The following CACNG3 variants were observed in gnomAD, a reference collection of about 807,000 sequenced individuals.
The protein encoded by CACNG3 is voltage-dependent calcium channel gamma-3 subunit.
A neutral mutation model predicts 28.5 loss-of-function variants in CACNG3; 3 were observed. The observed-to-expected ratio is 0.11, with a 90% CI of 0.05 to 0.27. CACNG3 has a LOEUF of 0.27. Among genes scored for constraint, CACNG3 ranks in the 10% least tolerant of loss-of-function variants. The probability of loss-of-function intolerance (pLI) is 1.00; values close to 1 mark genes in which losing one functional copy is unlikely to be tolerated. For missense variants in CACNG3, 236 were observed against 414.4 expected (o/e 0.57, Z 3.74); for synonymous variants, 174 against 162.2 (o/e 1.07, Z -0.55).
chr16:24,316,606 C>T (rs886492092), intron 1 of CACNG3, among the ~76,000 whole-genome samples: 1 of 152,178 alleles, frequency 6.6e-6, no homozygotes. Context: ...GTGCTCTGGG[C>T]ACCTTCCCAG....
At chr16:24,342,748 C>T (rs545651280) in intron 1 of CACNG3, among the ~76,000 whole-genome samples, 5 of 152,050 alleles carry the variant, frequency 3.3e-5, no homozygotes, top group African/African-American at 7.2e-5. Flanking sequence ...TATTTTCCGA[C>T]GCTGAAATCT....
intron 1 of CACNG3, among the ~76,000 whole-genome samples, chr16:24,265,469 G>A (rs1044955964): frequency 2.7e-5 from 4 of 146,208 alleles, no homozygotes; most frequent in Non-Finnish European, 6.0e-5. Flanking sequence ...AAGGAAGGAA[G>A]GAGAGAGAGA....
At chr16:24,331,419 C>T (rs1452768371) in intron 1 of CACNG3, among the ~76,000 whole-genome samples, 3 of 152,148 alleles carry the variant, frequency 2.0e-5, no homozygotes, top group Non-Finnish European at 4.4e-5. Context: ...TACCCTCTCT[C>T]GAAGAGGCAT....
rs549410908 is a variant in CACNG3, at chr16:24,267,388, A to G, written c.211+10423A>G. 3.3e-5 allele frequency among the ~76,000 whole-genome samples: 5 copies of G among 152,186 alleles called. No individual in the cohort carries two copies. In the South Asian group the frequency reaches 1.0e-3, roughly 32 times the overall value. On this transcript the variant is annotated intron_variant, in intron 1 of 3. Coordinates refer to ENST00000005284, the MANE Select transcript of CACNG3 (RefSeq NM_006539.4). Reference sequence around the variant, plus strand: ...CTGCGGCCTCGACCTCCTGGGCTCAAGGGATCCTCCCACCACAGTCCCATG... The same window carrying G: ...CTGCGGCCTCGACCTCCTGGGCTCAGGGGATCCTCCCACCACAGTCCCATG...
intron 1 of CACNG3, among the ~76,000 whole-genome samples, chr16:24,307,850 G>A (rs907878262): frequency 6.6e-6 from 1 of 152,250 alleles, no homozygotes; most frequent in South Asian, 2.1e-4. Flanking sequence ...TCATTGCATC[G>A]TTGGATCCTT....
chr16:24,296,116 G>C (rs763717164), intron 1 of CACNG3, among the ~76,000 whole-genome samples: 4 of 152,176 alleles, frequency 2.6e-5, no homozygotes, highest in Non-Finnish European at 5.9e-5. Flanking sequence ...CCCCCAGGAT[G>C]ACAAGGTCAG....
intron 1 of CACNG3, among the ~76,000 whole-genome samples, chr16:24,259,630 A>C (rs1465957087): frequency 6.6e-6 from 1 of 152,194 alleles, no homozygotes; most frequent in Admixed American, 6.5e-5. Flanking sequence ...GAGAATGCCA[A>C]GGAGAACATG....
At chr16:24,294,511 C>T (rs1388194046) in intron 1 of CACNG3, among the ~76,000 whole-genome samples, 2 of 152,208 alleles carry the variant, frequency 1.3e-5, no homozygotes, top group Non-Finnish European at 1.5e-5. Flanking sequence ...GACTTACACA[C>T]TCCACAAAGT....
chr16:24,264,176 C>T (rs566224098), intron 1 of CACNG3, among the ~76,000 whole-genome samples: 25 of 152,330 alleles, frequency 1.6e-4, no homozygotes, highest in African/African-American at 4.6e-4. Flanking sequence ...AACTCTAACC[C>T]GGCTGCACGA....
At chr16:24,356,256 G>A (rs78698099) in intron 3 of CACNG3, among the ~76,000 whole-genome samples, 10,967 of 152,218 alleles carry the variant, frequency 0.072, 518 homozygotes, top group African/African-American at 0.13. Context: ...TACTGATTGG[G>A]ATGGGGACAG....
At chr16:24,308,226 T>C (rs1327708316) in intron 1 of CACNG3, among the ~76,000 whole-genome samples, 1 of 152,132 alleles carries the variant, frequency 6.6e-6, no homozygotes, top group Non-Finnish European at 1.5e-5. Context: ...TGACCGCACT[T>C]GGTGGGTCAT....
chr16:24,326,446 C>T (rs780570261), intron 1 of CACNG3, among the ~76,000 whole-genome samples: 3 of 152,242 alleles, frequency 2.0e-5, no homozygotes, highest in Non-Finnish European at 4.4e-5. Context: ...GCTGGGATTA[C>T]AGGCATGAGC....
intron 1 of CACNG3, among the ~76,000 whole-genome samples, chr16:24,277,794 A>AG (rs1390764204): frequency 6.6e-6 from 1 of 152,018 alleles, no homozygotes; most frequent in African/African-American, 2.4e-5. Context: ...AAAAAAAAAA[A>AG]AAAGTAAAGG....
intron 1 of CACNG3, among the ~76,000 whole-genome samples, chr16:24,299,531 G>A (rs972210036): frequency 6.6e-6 from 1 of 152,194 alleles, no homozygotes; most frequent in Non-Finnish European, 1.5e-5. Context: ...AGATCTGAGT[G>A]CTGGGTGTGC....
chr16:24,260,377 C>G (rs935816140), intron 1 of CACNG3, among the ~76,000 whole-genome samples: 2 of 152,118 alleles, frequency 1.3e-5, no homozygotes, highest in African/African-American at 2.4e-5. Context: ...TCAGGCTGTT[C>G]GAAGAATTTT....
At chr16:24,266,387 T>G (rs1241118626) in intron 1 of CACNG3, among the ~76,000 whole-genome samples, 2 of 152,152 alleles carry the variant, frequency 1.3e-5, no homozygotes, top group Admixed American at 6.5e-5. Flanking sequence ...GAATGGGCAC[T>G]TCTATGAAAG....
At chr16:24,313,956 G>A (rs1899312497) in intron 1 of CACNG3, among the ~76,000 whole-genome samples, 1 of 152,116 alleles carries the variant, frequency 6.6e-6, no homozygotes, top group South Asian at 2.1e-4. Flanking sequence ...TGTTGGCCAG[G>A]CTGGTCTTGA....
chr16:24,300,806 C>T (rs1596633723), intron 1 of CACNG3, among the ~76,000 whole-genome samples: 1 of 152,052 alleles, frequency 6.6e-6, no homozygotes, highest in Non-Finnish European at 1.5e-5. Flanking sequence ...GTAATCCCAG[C>T]ACTTTTGGAA....
chr16:24,312,923 GAAA>G (rs1311453537), intron 1 of CACNG3, among the ~76,000 whole-genome samples: 698 of 43,060 alleles, frequency 0.016, 7 homozygotes, highest in African/African-American at 0.03. Flanking sequence ...AAGGAAGGAA[GAAA>G]GAAAGAAAGA....
Sources: allele counts gnomAD v4.1 joint callset (sites outside exome capture counted in the v4.1 genomes callset), GRCh38; gene constraint gnomAD v4.1.1; transcripts MANE v1.5; gene names NCBI Gene and HGNC (gene_info 2026-07-23, HGNC 2026-07-21).